SAMD11: variants seen among roughly 807,000 people sequenced by gnomAD.
SAMD11 encodes sterile alpha motif domain containing 11.
SAMD11 carries 77 observed loss-of-function variants against 64.4 expected under a neutral mutation model. The observed-to-expected ratio is 1.20, with a 90% CI of 0.99 to 1.44. The LOEUF (loss-of-function observed/expected upper bound fraction) is 1.44, where lower values mean the gene tolerates loss of function less well. SAMD11 is among the 40% of genes most tolerant of loss of function. SAMD11 has a pLI of 0.00. For missense variants in SAMD11, 1,402 were observed against 943.3 expected, an observed-to-expected ratio of 1.49 and a Z score of -6.37; for synonymous variants, 658 against 421.9, an observed-to-expected ratio of 1.56 and a Z score of -6.86.
At chr1:942,111 C>T (rs775455610) in intron 8 of SAMD11, 25 bp from the exon 9 acceptor site, 5 of 752,756 alleles carry the variant, frequency 6.6e-6, no homozygotes, top group African/African-American at 1.8e-5. Context: ...GGGGGGGACG[C>T]CGCTCATTGC....
intron 3 of SAMD11, among the ~76,000 whole-genome samples, chr1:930,740 G>T (rs1206817595): frequency 1.3e-5 from 2 of 152,260 alleles, no homozygotes; most frequent in Non-Finnish European, 2.9e-5. Flanking sequence ...CAACAGGAGG[G>T]CTCCTCTGAG....
chr1:928,061 G>A (rs532713732), intron 2 of SAMD11, among the ~76,000 whole-genome samples: 1 of 152,370 alleles, frequency 6.6e-6, no homozygotes, highest in Non-Finnish European at 1.5e-5. Context: ...CCACAGACAA[G>A]AAGCAGAGAG....
intron 8 of SAMD11, 111 bp downstream of exon 8, chr1:941,417 G>A (rs1280446654): frequency 3.5e-6 from 4 of 1,146,884 alleles, no homozygotes; most frequent in Non-Finnish European, 4.8e-6. Context: ...TTCAGCTCTA[G>A]GTTCGGGTCC....
chr1:943,013 C>T lies in SAMD11; in HGVS notation c.2008C>T (p.Leu670=), dbSNP rs1325467150. The T allele has an allele frequency of 1.3e-6, 2 of 1,539,150 alleles. No individual in the cohort carries two copies. Among genetic ancestry groups the T allele is most frequent in the African/African-American group, 1.4e-5 (1 of 71,910 alleles). ...GAAGGGGCTTTTCCCAGGGTCCACA[C>T]TGCCCCTGGGCTTCCCTTATGCCGT... ...EGKGLFPGST[L]PLGFPYAVSP... The change falls in exon 11 of 14, where the codon CTG becomes TTG. Residue 670 remains leucine (L), a synonymous_variant. Coordinates refer to ENST00000616016, the MANE Select transcript of SAMD11 (RefSeq NM_001385641.1).
Position 943,318 on chromosome 1 carries a change from A to C in SAMD11, c.2119A>C (p.Thr707Pro). The change falls in exon 12 of 14, where the codon ACC becomes CCC. Residue 707 changes from threonine (T) to proline (P), a missense_variant. Thr to Pro is a conservative substitution (Grantham distance 38, BLOSUM62 -1). Transcript: ENST00000616016. ...APAPEDVTKW[T>P]VDDVCSFVGG... Reference sequence around the variant, plus strand: ...AGCCCCTGAGGACGTCACCAAGTGGACCGTGGATGACGTCTGCAGCTTCGT... The same window carrying C: ...AGCCCCTGAGGACGTCACCAAGTGGCCCGTGGATGACGTCTGCAGCTTCGT... The C allele has an allele frequency of 1.2e-6, 2 of 1,610,930 alleles. No individual in the cohort carries two copies. The highest frequency in any genetic ancestry group is 1.7e-6 in the Non-Finnish European group (2 of 1,178,780).
At position 942,423 on chromosome 1, in the gene SAMD11, G is replaced by GC. The variant is rs1410048057; in HGVS notation, c.1494dup (p.Ala499ArgfsTer119). The GC allele has an allele frequency of 6.7e-5, 99 of 1,482,614 alleles. No homozygotes were observed. The highest frequency in any genetic ancestry group is 7.3e-5 in the Non-Finnish European group (82 of 1,122,690). The allele number at this position is 1,482,614 out of a possible 1,614,324, so 91.8% of individuals were successfully genotyped here. ...CCTCCCCACCAGGCTACGGCTTCCT[G>GC]CCCCCCGCGCAGGCGGAGATGTTCG... is the stretch of plus-strand genomic sequence containing the variant. On this transcript the variant is annotated frameshift_variant, in exon 10 of 14. Transcript: ENST00000616016. LOFTEE classifies it high-confidence loss of function.
chr1:930,954 G>A (rs1641138757), intron 3 of SAMD11, 85 bp from the exon 4 acceptor site: 2 of 1,372,364 alleles, frequency 1.5e-6, no homozygotes, highest in African/African-American at 1.4e-5. Context: ...ACTGACCCGA[G>A]ACAGGTCTGC....
chr1:933,360 G>A (rs1017640832), intron 4 of SAMD11, among the ~76,000 whole-genome samples: 3 of 152,160 alleles, frequency 2.0e-5, no homozygotes, highest in Non-Finnish European at 4.4e-5. Flanking sequence ...AGAGACCAGG[G>A]GCGGGGAGGG....
intron 5 of SAMD11, 74 bp downstream of exon 5, chr1:935,970 C>CCAGCAGCCTTGGCAGG: frequency 6.7e-7 from 1 of 1,495,590 alleles, no homozygotes; most frequent in Non-Finnish European, 9.1e-7. Flanking sequence ...CCACTCAGCA[C>CCAGCAGCCTTGGCAGG]CAGCAGCCTT....
chr1:942,366 C>T, intron 9 of SAMD11, 44 bp from the exon 10 acceptor site: 1 of 1,238,160 alleles, frequency 8.1e-7, no homozygotes, highest in Non-Finnish European at 1.1e-6. Flanking sequence ...CCGGCTCGGA[C>T]CGCCTCGGAC....
Position 930,219 on chromosome 1 carries a change from A to T in SAMD11, c.674A>T (p.Glu225Val). The T allele has an allele frequency of 6.3e-7, 1 of 1,586,106 alleles. No individual in the cohort carries two copies. The highest frequency in any genetic ancestry group is 2.3e-5 in the East Asian group (1 of 43,578). ...ALPAARNLKK[E>V]RTPSFSASDG... The stretch of plus-strand genomic sequence containing the variant: ...CCTGCCGCCCGGAACCTGAAGAAGG[A>T]GCGAACTCCCAGCTTCTCTGCCAGC... The change falls in exon 3 of 14, where the codon GAG becomes GTG. Residue 225 changes from glutamate to valine, a missense_variant. Coordinates refer to ENST00000616016, the MANE Select transcript of SAMD11 (RefSeq NM_001385641.1).
At chr1:931,911 G>C (rs145907597) in intron 4 of SAMD11, among the ~76,000 whole-genome samples, 339 of 152,320 alleles carry the variant, frequency 2.2e-3, no homozygotes, top group African/African-American at 7.8e-3. Flanking sequence ...TGTGGATTCT[G>C]TCAATGGGGT....
chr1:935,064 G>C (rs906755629), intron 4 of SAMD11, among the ~76,000 whole-genome samples: 1 of 152,122 alleles, frequency 6.6e-6, no homozygotes, highest in Non-Finnish European at 1.5e-5. Flanking sequence ...GTGGAGGGCC[G>C]TGCTCCACAC....
In SAMD11 at chr1:925,881, G is replaced by A. The variant is rs144896029; in HGVS notation, c.518-41G>A. 6,224 of 1,463,038 alleles carry A rather than the reference G, an allele frequency of 4.3e-3. 28 individuals are homozygous for A. Among genetic ancestry groups the A allele is most frequent in the Non-Finnish European group, 5.0e-3 (5,243 of 1,048,622 alleles). 90.6% of individuals were successfully genotyped at this position (1,463,038 alleles called of 1,614,324 possible). A position where few individuals can be genotyped will look rare whatever the true frequency, so the allele number is the denominator to read the frequency against. On this transcript the variant is annotated intron_variant, in intron 1 of 13. Coordinates refer to ENST00000616016, the MANE Select transcript of SAMD11 (RefSeq NM_001385641.1). ...CCTGCCGCTGACTGCGCGCAGAAGCGTGCCGCTCCCTCACAGGGTCTGCCT... is the reference window on the plus strand; with the variant it reads ...CCTGCCGCTGACTGCGCGCAGAAGCATGCCGCTCCCTCACAGGGTCTGCCT...
chr1:942,330 C>A, intron 9 of SAMD11, 79 bp downstream of exon 9: 1 of 1,092,564 alleles, frequency 9.2e-7, no homozygotes. Context: ...GGAGCCGAGA[C>A]GGACCGGGTA....
At position 944,194 on chromosome 1, in the gene SAMD11, A is replaced by G. The variant is rs767286193; in HGVS notation, c.*41A>G. ...GGGTGGGGCCACACAAATCTCCAGG[A>G]GCCACCACTCAACACAATGGCCCTG... On this transcript the variant is annotated 3_prime_UTR_variant, in exon 14 of 14. Coordinates refer to ENST00000616016, the MANE Select transcript of SAMD11 (RefSeq NM_001385641.1). 6 of 1,507,492 alleles carry G rather than the reference A, an allele frequency of 4.0e-6. No individual in the cohort carries two copies. In the African/African-American group the frequency reaches 8.4e-5, roughly 21 times the overall value. 93.4% of individuals were successfully genotyped at this position (1,507,492 alleles called of 1,614,324 possible).
At position 939,127 on chromosome 1, in the gene SAMD11, A is replaced by G; in HGVS notation, c.1055A>G (p.Gln352Arg). The G allele has an allele frequency of 6.3e-7, 1 of 1,588,896 alleles. No homozygotes were observed. The highest frequency in any genetic ancestry group is 8.6e-7 in the Non-Finnish European group (1 of 1,167,380). Residue 352 changes from glutamine to arginine, a missense_variant and splice_region_variant, in exon 6 of 14, where the codon CAA becomes CGA. Coordinates refer to ENST00000616016, the MANE Select transcript of SAMD11 (RefSeq NM_001385641.1). ...AAGAGGGCACGAAGCGAATCGCCTC[A>G]AGGTAAGAGCGTGGCTGGGACGAGA... ...SEKRARSESP[Q>R]EALLLPRELG...
At chr1:936,092 C>T (rs1043247144) in intron 5 of SAMD11, among the ~76,000 whole-genome samples, 196 bp downstream of exon 5, 17 of 152,222 alleles carry the variant, frequency 1.1e-4, no homozygotes, top group Non-Finnish European at 2.1e-4. Context: ...GCGGTGGCTC[C>T]GCTGTGGCTG....
Position 931,084 on chromosome 1 carries a change from C to T in SAMD11, c.837C>T (p.Ser279=), listed in dbSNP as rs1641145683. The part of the protein sequence containing the change: ...WDVNISFREA[S]CSQDGNLPTL... ...TGAACATCTCTTTCCGAGAGGCGTC[C>T]TGCAGGTAGGAGCCGTGCTGTGCGT... The change falls in exon 4 of 14, where the codon TCC becomes TCT. Residue 279 remains serine (S), a synonymous_variant. Coordinates refer to ENST00000616016, the MANE Select transcript of SAMD11 (RefSeq NM_001385641.1). 1 of 1,612,340 alleles carries T rather than the reference C, an allele frequency of 6.2e-7. No individual in the cohort carries two copies. Among genetic ancestry groups the T allele is most frequent in the Admixed American group, 1.7e-5 (1 of 60,000 alleles).
Sources: gnomAD v4.1 joint callset for allele counts (sites outside exome capture counted in the v4.1 genomes callset) on GRCh38, gnomAD v4.1.1 for gene constraint, MANE v1.5 for transcripts, NCBI Gene and HGNC (gene_info 2026-07-23, HGNC 2026-07-21) for gene names.